Variants in SYNJ2 observed in about 807,000 individuals in gnomAD.
SYNJ2 encodes polyphosphatidylinositol phosphatase SYNJ2.
Under a neutral mutation model 141.3 loss-of-function variants are expected in SYNJ2, and 116 were observed. The observed-to-expected ratio is 0.82, with a 90% confidence interval of 0.71 to 0.96. The LOEUF (loss-of-function observed/expected upper bound fraction) is 0.96. Among genes scored for constraint, SYNJ2 ranks in the 40% least tolerant of loss-of-function variants. The pLI is 0.00. For missense variants in SYNJ2, 1,873 were observed against 1,934.8 expected (o/e 0.97, Z 0.60); for synonymous variants, 745 against 777.7 (o/e 0.96, Z 0.70).
intron 4 of SYNJ2, among the ~76,000 whole-genome samples, chr6:158,036,603 T>C (rs997780045): frequency 1.3e-5 from 2 of 151,938 alleles, no homozygotes; most frequent in Admixed American, 1.3e-4. Flanking sequence ...CAACACACAC[T>C]GGGGCCTATC....
chr6:158,069,480 A>G (rs201362332), intron 13 of SYNJ2, 53 bp from the exon 14 acceptor site: 479 of 1,579,210 alleles, frequency 3.0e-4, no homozygotes, highest in Non-Finnish European at 3.8e-4. Flanking sequence ...TAGGTGGGAG[A>G]TAGATGTACT....
intron 1 of SYNJ2, chr6:158,001,348 T>C (rs1777846744): frequency 6.6e-6 from 1 of 152,078 alleles, no homozygotes; most frequent in East Asian, 1.9e-4. Context: ...CTGATGATTT[T>C]GCTTCCTATT....
Position 158,081,605 on chromosome 6 carries a change from CTTTTTTTTTTTTTTTT to C in SYNJ2, c.2865+110_2865+125del, listed in dbSNP as rs60234675. ...TTCCTCCTCTTGCCCTGACCTGTGC[CTTTTTTTTTTTTTTTT>C]TTTTTTTTTTTTTTCTCTGAGACAA... On this transcript the variant is annotated intron_variant, in intron 20 of 26. Transcript: ENST00000355585. 7.0e-5 allele frequency: 15 copies of C among 213,260 alleles called. 1 individual carries two copies. The East Asian group carries it at 8.6e-4, about 12-fold the overall frequency. 13.2% of individuals were successfully genotyped at this position (213,260 alleles called of 1,614,324 possible). A position where few individuals can be genotyped will look rare whatever the true frequency, so the allele number is the denominator to read the frequency against.
intron 12 of SYNJ2, among the ~76,000 whole-genome samples, 178 bp from the exon 13 acceptor site, chr6:158,068,469 G>A (rs78786656): frequency 8.9e-4 from 135 of 152,374 alleles, no homozygotes; most frequent in African/African-American, 3.2e-3. Context: ...CTGCATTTAA[G>A]CCAGGCATTT....
intron 2 of SYNJ2, among the ~76,000 whole-genome samples, chr6:158,024,502 G>A (rs1207062997): frequency 6.6e-6 from 1 of 152,144 alleles, no homozygotes. Context: ...ATTTGGGGGT[G>A]CACACATTCA....
chr6:158,061,598 T>C (rs1781223394), intron 7 of SYNJ2, among the ~76,000 whole-genome samples: 1 of 152,070 alleles, frequency 6.6e-6, no homozygotes, highest in South Asian at 2.1e-4. Flanking sequence ...GATTATGAGC[T>C]CTGCAGCCTG....
upstream of SYNJ2, chr6:157,981,740 G>C: frequency 3.1e-6 from 1 of 326,484 alleles, no homozygotes; most frequent in Non-Finnish European, 5.4e-6. This position sits in a 1 kb window ranked among gnomAD's most constrained non-coding sequence, Gnocchi z 6.4. Flanking sequence ...GGGAGCGCGG[G>C]GCCGGGCGGG....
chr6:158,074,663 C>G lies in SYNJ2; in HGVS notation c.2217C>G (p.Phe739Leu). The change falls in exon 16 of 27, where the codon TTC becomes TTG. Residue 739 changes from phenylalanine to leucine, a missense_variant. Coordinates refer to ENST00000355585, the MANE Select transcript of SYNJ2 (RefSeq NM_003898.4). Reference sequence around the variant, plus strand: ...TTGATCTTACTTATGAAGAAGTCTTCTATTTTGTTAAACGCCAAGACTGGA... The same window carrying G: ...TTGATCTTACTTATGAAGAAGTCTTGTATTTTGTTAAACGCCAAGACTGGA... ...YRIDLTYEEVFYFVKRQDWKK... is the reference protein window; with the variant it reads ...YRIDLTYEEVLYFVKRQDWKK... 6.2e-7 allele frequency: 1 copy of G among 1,614,064 alleles called. No individual in the cohort carries two copies. The highest frequency in any genetic ancestry group is 8.5e-7 in the Non-Finnish European group (1 of 1,180,002).
chr6:158,069,904 TAGAAAG>T (rs1421927430), intron 14 of SYNJ2, among the ~76,000 whole-genome samples: 9 of 152,192 alleles, frequency 5.9e-5, no homozygotes, highest in Non-Finnish European at 1.3e-4. Context: ...GCTGAACTCT[TAGAAAG>T]GGTGTTACAT....
At chr6:158,081,605 CTTTTTTTTTT>C (rs60234675) in intron 20 of SYNJ2, 95 bp downstream of exon 20, 46 of 213,232 alleles carry the variant, frequency 2.2e-4, no homozygotes, top group East Asian at 2.0e-3. Context: ...TGACCTGTGC[CTTTTTTTTTT>C]TTTTTTTTTT....
intron 5 of SYNJ2, among the ~76,000 whole-genome samples, chr6:158,052,716 C>T (rs1286167840): frequency 1.3e-5 from 2 of 151,942 alleles, no homozygotes; most frequent in Admixed American, 1.3e-4. Flanking sequence ...TCCCACCAGG[C>T]CCCACCTCCA....
intron 4 of SYNJ2, among the ~76,000 whole-genome samples, chr6:158,036,666 A>G (rs956258854): frequency 2.6e-5 from 4 of 152,210 alleles, no homozygotes; most frequent in African/African-American, 7.2e-5. Context: ...AAAAATAACT[A>G]GTGGGTGCTG....
intron 1 of SYNJ2, among the ~76,000 whole-genome samples, chr6:158,000,862 G>A (rs1777823348): frequency 6.6e-6 from 1 of 152,110 alleles, no homozygotes; most frequent in African/African-American, 2.4e-5. Context: ...CCTGTCTCGT[G>A]GTGCTCCTTT....
At chr6:158,077,830 T>C (rs1170232647) in intron 17 of SYNJ2, 2 of 186,278 alleles carry the variant, frequency 1.1e-5, no homozygotes, top group Non-Finnish European at 2.2e-5. Flanking sequence ...TCTCAGCTCC[T>C]GCAGCTCTTA....
Position 158,065,003 on chromosome 6 carries a change from C to A in SYNJ2, c.1525+12C>A, listed in dbSNP as rs202176195. ...CACGGCGCTCCTGGGTAGGGCCTGC[C>A]GCAGACAGGGCGAGGCAGGGAGGTA... On this transcript the variant is annotated intron_variant, in intron 11 of 26. Coordinates refer to ENST00000355585, the MANE Select transcript of SYNJ2 (RefSeq NM_003898.4). 6.5e-7 allele frequency: 1 copy of A among 1,539,758 alleles called. No individual in the cohort carries two copies. The highest frequency in any genetic ancestry group is 8.8e-7 in the Non-Finnish European group (1 of 1,138,832).
chr6:157,996,150 C>A (rs1037066088), intron 1 of SYNJ2, among the ~76,000 whole-genome samples: 1 of 152,186 alleles, frequency 6.6e-6, no homozygotes, highest in Non-Finnish European at 1.5e-5. Context: ...TTCTTACCTT[C>A]ATTCTCCCAT....
intron 1 of SYNJ2, among the ~76,000 whole-genome samples, chr6:158,000,579 A>G (rs1331358103): frequency 6.6e-6 from 1 of 152,074 alleles, no homozygotes; most frequent in Admixed American, 6.5e-5. Flanking sequence ...TGAAAAATGA[A>G]TTCTGGCCTG....
At chr6:157,981,755 G>T (rs1285097185), upstream of SYNJ2, 1 of 372,490 alleles carries the variant, frequency 2.7e-6, no homozygotes. The surrounding 1 kb of genome is among the most constrained non-coding windows in gnomAD (Gnocchi z 6.4). Flanking sequence ...GGCGGGAGGC[G>T]GCGGCGCGCC....
At position 158,078,567 on chromosome 6, in the gene SYNJ2, C is replaced by T. The variant is rs1782470883; in HGVS notation, c.2567+286C>T. On this transcript the variant is annotated intron_variant, in intron 18 of 26. Coordinates refer to ENST00000355585, the MANE Select transcript of SYNJ2 (RefSeq NM_003898.4). The stretch of plus-strand genomic sequence containing the variant: ...ACGTATTTTGCGGCTTTTATATTTT[C>T]TTAAATGATGTCGTTGTGCAACTTG... 1.6e-5 allele frequency: 4 copies of T among 242,712 alleles called. No individual in the cohort carries two copies. The South Asian group carries it at 3.1e-4, about 19-fold the overall frequency. The allele number at this position is 242,712 out of a possible 1,614,324, so 15.0% of individuals were successfully genotyped here.
Sources: gnomAD v4.1 joint callset for allele counts (sites outside exome capture counted in the v4.1 genomes callset) on GRCh38, gnomAD v4.1.1 for gene constraint, Gnocchi (gnomAD v3.1) non-coding constraint, MANE v1.5 for transcripts, NCBI Gene and HGNC (gene_info 2026-07-23, HGNC 2026-07-21) for gene names.